The following SHB variants were observed in gnomAD, a reference collection of about 807,000 sequenced individuals.
SHB encodes SH2 domain containing adaptor protein B.
In SHB, 20 loss-of-function variants were observed where a neutral mutation model predicts 52.3. That is an observed-to-expected ratio of 0.38 (90% CI 0.27 to 0.56). SHB has a LOEUF of 0.56. Ranked by LOEUF, SHB falls within the 20% of genes least tolerant of loss-of-function variation. SHB has a pLI of 0.71. For missense variants in SHB, 825 were observed against 723.3 expected (o/e 1.14, Z -1.61); for synonymous variants, 397 against 316.5 (o/e 1.25, Z -2.70).
chr9:37,971,454 C>T (rs1372154049), intron 3 of SHB, among the ~76,000 whole-genome samples: 1 of 152,198 alleles, frequency 6.6e-6, no homozygotes, highest in African/African-American at 2.4e-5. Context: ...GCCAATGCTG[C>T]GCCTAATGGA....
chr9:37,958,610 C>T (rs1832661007), intron 3 of SHB, among the ~76,000 whole-genome samples: 2 of 152,192 alleles, frequency 1.3e-5, no homozygotes, highest in South Asian at 2.1e-4. Context: ...TACACACAGA[C>T]AGCAATGACC....
chr9:38,052,125 C>G (rs531430206), intron 1 of SHB, among the ~76,000 whole-genome samples: 1 of 152,164 alleles, frequency 6.6e-6, no homozygotes, highest in African/African-American at 2.4e-5. Context: ...TCTAACTCCA[C>G]GAGGTGCTGC....
At chr9:37,983,526 GC>G (rs1034166269) in intron 2 of SHB, among the ~76,000 whole-genome samples, 5 of 152,202 alleles carry the variant, frequency 3.3e-5, no homozygotes, top group Admixed American at 3.3e-4. Flanking sequence ...GCACAGACGT[GC>G]AGGAGCCTTG....
intron 2 of SHB, among the ~76,000 whole-genome samples, chr9:38,001,425 G>C (rs1821011667): frequency 6.6e-6 from 1 of 152,212 alleles, no homozygotes; most frequent in South Asian, 2.1e-4. Flanking sequence ...GTCAAACCCA[G>C]GGCTCTGTCC....
At chr9:38,028,669 A>T (rs374501902) in intron 1 of SHB, among the ~76,000 whole-genome samples, 2 of 152,240 alleles carry the variant, frequency 1.3e-5, no homozygotes, top group Non-Finnish European at 2.9e-5. Flanking sequence ...AGACATACTA[A>T]CAGCCAGTGA....
intron 1 of SHB, among the ~76,000 whole-genome samples, chr9:38,066,931 G>C (rs1019699631): frequency 6.6e-6 from 1 of 152,082 alleles, no homozygotes; most frequent in Non-Finnish European, 1.5e-5. Context: ...CACGCACCAG[G>C]GCGCTGAGAA....
intron 2 of SHB, among the ~76,000 whole-genome samples, chr9:37,981,760 C>T (rs1385003873): frequency 6.6e-6 from 1 of 152,010 alleles, no homozygotes; most frequent in South Asian, 2.1e-4. Context: ...ATTAATAGGC[C>T]TGATTTCAAC....
intron 1 of SHB, 99 bp from the exon 2 acceptor site, chr9:38,016,230 G>A (rs1821209607): frequency 7.8e-7 from 1 of 1,286,942 alleles, no homozygotes; most frequent in Non-Finnish European, 1.1e-6. Context: ...TGAGCAAGGA[G>A]AGGCAGGGGA....
intron 5 of SHB, among the ~76,000 whole-genome samples, chr9:37,942,568 G>A (rs903596495): frequency 1.3e-5 from 2 of 152,230 alleles, no homozygotes. Context: ...TGGAAAAGCT[G>A]GGAGAAGCAG....
At position 37,955,890 on chromosome 9, in the gene SHB, T is replaced by C; in HGVS notation, c.1219A>G (p.Lys407Glu). The change falls in exon 4 of 6, where the codon AAG becomes GAG. Residue 407 changes from lysine (K) to glutamate (E), a missense_variant. By Grantham distance (56) the Lys-to-Glu change is moderately conservative. Transcript: ENST00000377707. ...ERVDPAVPLE[K>E]QIWYHGAISR... Reference sequence around the variant, plus strand: ...TTGCTCCCAAGAACTTACATTTGCTTCTCCAGGGGGACGGCAGGATCCACC... The same window carrying C: ...TTGCTCCCAAGAACTTACATTTGCTCCTCCAGGGGGACGGCAGGATCCACC... 1 of 1,613,468 alleles carries C rather than the reference T, an allele frequency of 6.2e-7. No individual in the cohort carries two copies.
intron 4 of SHB, among the ~76,000 whole-genome samples, chr9:37,949,024 G>A (rs1487739687): frequency 6.6e-6 from 1 of 152,216 alleles, no homozygotes; most frequent in Admixed American, 6.5e-5. Context: ...CACAGTGTGA[G>A]GACAGGCATC....
chr9:38,003,859 G>A (rs56316823), intron 2 of SHB, among the ~76,000 whole-genome samples: 31,460 of 152,224 alleles, frequency 0.21, 3,449 homozygotes, highest in South Asian at 0.29. Context: ...AAGAGGTCAA[G>A]GAAGGGAGGA....
intron 3 of SHB, among the ~76,000 whole-genome samples, chr9:37,958,906 G>A (rs1832664681): frequency 6.6e-6 from 1 of 152,184 alleles, no homozygotes; most frequent in Non-Finnish European, 1.5e-5. Context: ...TCTTACCCGA[G>A]CCCCTACTTT....
At chr9:37,962,674 G>GTT (rs879541039) in intron 3 of SHB, among the ~76,000 whole-genome samples, 7 of 146,664 alleles carry the variant, frequency 4.8e-5, no homozygotes, top group African/African-American at 5.0e-5. Flanking sequence ...GCTGGGCTAA[G>GTT]TTTTTTTTTT....
intron 3 of SHB, among the ~76,000 whole-genome samples, chr9:37,973,815 C>T (rs1192680894): frequency 2.0e-5 from 3 of 152,142 alleles, no homozygotes; most frequent in Non-Finnish European, 4.4e-5. Flanking sequence ...CACGCTGAAA[C>T]TGGGATAGAA....
intron 2 of SHB, chr9:38,015,229 G>A: frequency 1.7e-6 from 1 of 586,054 alleles, no homozygotes; most frequent in Non-Finnish European, 3.0e-6. Flanking sequence ...ACCAGGAGAA[G>A]CCACAACAGG....
rs1211924451 is a variant in SHB at position 38,068,184 on chromosome 9, C to G, written c.462G>C (p.Ser154=). The G allele has an allele frequency of 7.8e-6, 11 of 1,414,092 alleles. No individual in the cohort carries two copies. The highest frequency in any genetic ancestry group is 8.2e-6 in the Non-Finnish European group (9 of 1,097,350). 87.6% of individuals were successfully genotyped at this position (1,414,092 alleles called of 1,614,324 possible). A position where few individuals can be genotyped will look rare whatever the true frequency, so the allele number is the denominator to read the frequency against. Residue 154 remains serine (S), a synonymous_variant, in exon 1 of 6, where the codon TCG becomes TCC. Coordinates refer to ENST00000377707, the MANE Select transcript of SHB (RefSeq NM_003028.3). Reference sequence around the variant, plus strand: ...GGTAGAGATGCGGAGAGCCGGAGGACGAGGACGAGGACGCGGCGGCCCCCG... The same window carrying G: ...GGTAGAGATGCGGAGAGCCGGAGGAGGAGGACGAGGACGCGGCGGCCCCCG... The part of the protein sequence containing the change: ...SGAGAAASSS[S]SSGSPHLYRS...
chr9:37,974,762 C>G lies in SHB; in HGVS notation c.914G>C (p.Gly305Ala), dbSNP rs78261523. 755 of 1,614,138 alleles carry G rather than the reference C, an allele frequency of 4.7e-4. 2 individuals are homozygous for G. In the African/African-American group the frequency reaches 8.9e-3, roughly 19 times the overall value. Residue 305 changes from glycine (G) to alanine (A), a missense_variant, in exon 3 of 6, where the codon GGC becomes GCC. Transcript: ENST00000377707. Reference sequence around the variant, plus strand: ...CTCCGAGTCTGAGTCAACACTTTGGCCTTCAGGTTCGTAAGGGGTGTCATA... The same window carrying G: ...CTCCGAGTCTGAGTCAACACTTTGGGCTTCAGGTTCGTAAGGGGTGTCATA... ...QLYDTPYEPE[G>A]QSVDSDSEST... is the part of the protein sequence containing the mutation.
At chr9:38,000,889 G>C (rs1821004690) in intron 2 of SHB, among the ~76,000 whole-genome samples, 2 of 152,182 alleles carry the variant, frequency 1.3e-5, no homozygotes, top group Non-Finnish European at 2.9e-5. Flanking sequence ...GGTTTCCTAT[G>C]TGACTTCGGG....
Sources: allele counts gnomAD v4.1 joint callset (sites outside exome capture counted in the v4.1 genomes callset), GRCh38; gene constraint gnomAD v4.1.1; transcripts MANE v1.5; gene names NCBI Gene and HGNC (gene_info 2026-07-23, HGNC 2026-07-21).